A2M: variants seen among roughly 807,000 people sequenced by gnomAD.
A2M encodes C3 and PZP-like alpha-2-macroglobulin domain-containing protein 5.
A2M carries 128 observed loss-of-function variants against 183.9 expected under a neutral mutation model. That is an observed-to-expected ratio of 0.70 (90% CI 0.60 to 0.81). A2M has a LOEUF of 0.81. Among genes scored for constraint, A2M ranks in the 30% least tolerant of loss-of-function variants. A2M has a pLI of 0.00. For synonymous variants in A2M, 592 were observed against 670.8 expected, an observed-to-expected ratio of 0.88 and a Z score of 1.81; for missense variants, 1,495 against 1,787.6, an observed-to-expected ratio of 0.84 and a Z score of 2.95.
rs1227707927 is a variant in A2M, at chr12:9,099,321, TG to T, written c.1701+59del. The T allele has an allele frequency of 5.4e-6, 8 of 1,490,172 alleles. No homozygotes were observed. The African/African-American group carries it at 1.1e-4, about 21-fold the overall frequency. 92.3% of individuals were successfully genotyped at this position (1,490,172 alleles called of 1,614,324 possible). A position where few individuals can be genotyped will look rare whatever the true frequency, so the allele number is the denominator to read the frequency against. On this transcript the variant is annotated intron_variant, in intron 14 of 35. Coordinates refer to ENST00000318602, the MANE Select transcript of A2M (RefSeq NM_000014.6). ...CTAATGTTCACATGTGTAAAACAAATGATAACAATAGTAACTTCTAGTTTTA... is the reference window on the plus strand; with the variant it reads ...CTAATGTTCACATGTGTAAAACAAATATAACAATAGTAACTTCTAGTTTTA...
intron 15 of A2M, among the ~76,000 whole-genome samples, chr12:9,097,347 A>G (rs1046992320): frequency 3.9e-5 from 6 of 152,182 alleles, no homozygotes. Flanking sequence ...TTATGGTAGT[A>G]GAAAAAGCTT....
intron 22 of A2M, among the ~76,000 whole-genome samples, chr12:9,084,268 G>A (rs1233363491): frequency 6.6e-6 from 1 of 152,102 alleles, no homozygotes; most frequent in Non-Finnish European, 1.5e-5. Context: ...AATGGTATAA[G>A]TAATATAGAG....
At chr12:9,068,475 A>G (rs1592322446) in intron 34 of A2M, among the ~76,000 whole-genome samples, 1 of 152,338 alleles carries the variant, frequency 6.6e-6, no homozygotes, top group South Asian at 2.1e-4. Context: ...CTTAAATCTC[A>G]TATTGTCATA....
chr12:9,078,274 G>A (rs917721360), intron 25 of A2M, among the ~76,000 whole-genome samples: 9 of 101,058 alleles, frequency 8.9e-5, no homozygotes, highest in African/African-American at 5.2e-4. Flanking sequence ...TCCCACTTAT[G>A]AGTGAGAAAT....
intron 22 of A2M, among the ~76,000 whole-genome samples, chr12:9,086,013 A>G (rs956731964): frequency 1.3e-5 from 2 of 152,214 alleles, no homozygotes; most frequent in East Asian, 1.9e-4. Context: ...AAAGTTTTCC[A>G]TTAAAGAAAA....
intron 31 of A2M, among the ~76,000 whole-genome samples, chr12:9,071,115 C>T (rs948057433): frequency 2.6e-5 from 4 of 151,638 alleles, no homozygotes; most frequent in African/African-American, 4.8e-5. Context: ...CCACCACGCC[C>T]GGCTGAGGAT....
In A2M at chr12:9,101,638, G is replaced by T. The variant is rs1287105320; in HGVS notation, c.1303C>A (p.Gln435Lys). The T allele has an allele frequency of 6.2e-7, 1 of 1,613,916 alleles. No homozygotes were observed. Among genetic ancestry groups the T allele is most frequent in the Non-Finnish European group, 8.5e-7 (1 of 1,179,850 alleles). ...YKDRSPCYGY[Q>K]WVSEEHEEAH... ...TCTTCGTGTTCTTCTGACACCCACT[G>T]GTAGCCGTAACAGGGACTACGATCC... The change falls in exon 12 of 36, where the codon CAG becomes AAG. Residue 435 changes from glutamine to lysine, a missense_variant. Transcript: ENST00000318602.
intron 2 of A2M, among the ~76,000 whole-genome samples, chr12:9,112,974 C>G (rs1249031418): frequency 6.6e-6 from 1 of 152,104 alleles, no homozygotes; most frequent in Non-Finnish European, 1.5e-5. Context: ...GTAATTTCTA[C>G]AATTTTTACT....
intron 29 of A2M, among the ~76,000 whole-genome samples, 169 bp downstream of exon 29, chr12:9,074,391 C>G (rs1289921468): frequency 1.3e-5 from 2 of 152,190 alleles, no homozygotes; most frequent in Non-Finnish European, 2.9e-5. Context: ...TTTTGGCCCT[C>G]TTTGACTTTG....
intron 7 of A2M, 109 bp downstream of exon 7, chr12:9,109,212 T>C: frequency 6.5e-6 from 5 of 764,662 alleles, no homozygotes; most frequent in Non-Finnish European, 1.1e-5. Flanking sequence ...GTCAAAGCAC[T>C]TAAAATTTTT....
intron 24 of A2M, 132 bp from the exon 25 acceptor site, chr12:9,079,463 G>A: frequency 8.8e-7 from 1 of 1,137,584 alleles, no homozygotes; most frequent in Non-Finnish European, 1.3e-6. Context: ...GAGTTTCTGA[G>A]CCTTAAATAT....
intron 4 of A2M, chr12:9,111,933 T>G: frequency 1.5e-6 from 1 of 684,956 alleles, no homozygotes; most frequent in Non-Finnish European, 2.8e-6. Flanking sequence ...AAAAGTAAAT[T>G]TAATTGTGTG....
rs1592328487 is a variant in A2M at position 9,072,256 on chromosome 12, T to C, written c.4103+103A>G. On this transcript the variant is annotated intron_variant, in intron 31 of 35. Coordinates refer to ENST00000318602, the MANE Select transcript of A2M (RefSeq NM_000014.6). ...GAGAATACATTGCATTTTTTGTGAA[T>C]AGTGCAAATATCTACTGTTGCACTG... The C allele has an allele frequency of 1.3e-5, 17 of 1,325,204 alleles. No homozygotes were observed. In the East Asian group the frequency reaches 3.3e-4, roughly 25 times the overall value. 82.1% of individuals were successfully genotyped at this position (1,325,204 alleles called of 1,614,324 possible).
At chr12:9,069,458 C>G (rs1948499260) in intron 33 of A2M, among the ~76,000 whole-genome samples, 4 of 152,014 alleles carry the variant, frequency 2.6e-5, no homozygotes, top group Admixed American at 2.6e-4. Context: ...CCTTATATTA[C>G]TGGGTATCCA....
intron 32 of A2M, among the ~76,000 whole-genome samples, 165 bp downstream of exon 32, chr12:9,070,323 G>A (rs1214494698): frequency 6.6e-6 from 1 of 152,214 alleles, no homozygotes; most frequent in Non-Finnish European, 1.5e-5. Context: ...TCTGCACATG[G>A]TCAGCATTCA....
intron 20 of A2M, 132 bp downstream of exon 20, chr12:9,090,224 G>C: frequency 1.4e-6 from 2 of 1,454,630 alleles, no homozygotes; most frequent in Non-Finnish European, 1.9e-6. Context: ...AGGCATCTTA[G>C]AATAAAAGGC....
intron 15 of A2M, among the ~76,000 whole-genome samples, chr12:9,097,593 G>A (rs1949420217): frequency 6.7e-6 from 1 of 150,028 alleles, no homozygotes; most frequent in Non-Finnish European, 1.5e-5. Context: ...CAGAAATTAT[G>A]TGTAGCTTGG....
chr12:9,080,226 T>C, intron 22 of A2M, 49 bp from the exon 23 acceptor site: 1 of 1,326,480 alleles, frequency 7.5e-7, no homozygotes, highest in Non-Finnish European at 1.1e-6. Flanking sequence ...CTGCATTATA[T>C]CTTTCTAAAC....
intron 11 of A2M, among the ~76,000 whole-genome samples, chr12:9,102,141 G>C (rs1937911346): frequency 6.6e-6 from 1 of 152,250 alleles, no homozygotes. Flanking sequence ...GACATTGGTA[G>C]AAAGCATTGG....
Sources: allele counts gnomAD v4.1 joint callset (sites outside exome capture counted in the v4.1 genomes callset), GRCh38; gene constraint gnomAD v4.1.1; transcripts MANE v1.5; gene names NCBI Gene and HGNC (gene_info 2026-07-23, HGNC 2026-07-21).